Variants in CPED1 observed in about 807,000 individuals in gnomAD.
CPED1 encodes cadherin like and PC-esterase domain containing 1, also known as cadherin-like and PC-esterase domain-containing protein 1.
In CPED1, 114 loss-of-function variants were observed where a neutral mutation model predicts 128.2. The ratio of observed to expected loss-of-function variants is 0.89; its 90% confidence interval spans 0.76 to 1.04. The LOEUF (loss-of-function observed/expected upper bound fraction) is 1.04. Among genes scored for constraint, CPED1 ranks in the 50% least tolerant of loss-of-function variants. The pLI is 0.00. For missense variants in CPED1, 1,211 were observed against 1,207.1 expected (o/e 1.00, Z -0.05); for synonymous variants, 462 against 426.7 (o/e 1.08, Z -1.02).
At chr7:121,072,732 A>G (rs561458919) in intron 5 of CPED1, among the ~76,000 whole-genome samples, 1 of 152,290 alleles carries the variant, frequency 6.6e-6, no homozygotes, top group South Asian at 2.1e-4. Flanking sequence ...TCACAGACAC[A>G]TTTCTTCCAA....
chr7:121,201,524 AAAGG>A (rs966419552), intron 16 of CPED1, among the ~76,000 whole-genome samples: 3 of 151,392 alleles, frequency 2.0e-5, no homozygotes, highest in African/African-American at 4.9e-5. Flanking sequence ...GAAAGAGAGG[AAAGG>A]AAGGAAGGAA....
chr7:121,216,828 G>A (rs563936508), intron 16 of CPED1, among the ~76,000 whole-genome samples: 3 of 152,084 alleles, frequency 2.0e-5, no homozygotes, highest in Admixed American at 6.5e-5. Flanking sequence ...GTGGTCCGTT[G>A]TCCACAGCAA....
At chr7:121,035,890 G>T (rs1053035857) in intron 3 of CPED1, among the ~76,000 whole-genome samples, 5 of 151,632 alleles carry the variant, frequency 3.3e-5, no homozygotes, top group African/African-American at 1.2e-4. Flanking sequence ...GGGTCTTTTC[G>T]TGGGAGATAA....
At chr7:121,206,870 C>G (rs1186076460) in intron 16 of CPED1, among the ~76,000 whole-genome samples, 2 of 151,986 alleles carry the variant, frequency 1.3e-5, no homozygotes. Flanking sequence ...CTCAGTCACA[C>G]TATGCTCCGA....
chr7:121,019,915 A>C (rs1459452277), intron 3 of CPED1, among the ~76,000 whole-genome samples: 1 of 152,034 alleles, frequency 6.6e-6, no homozygotes, highest in African/African-American at 2.4e-5. Flanking sequence ...TTCAGTGCAC[A>C]GTGGCCTAAA....
At position 121,097,792 on chromosome 7, in the gene CPED1, C is replaced by G; in HGVS notation, c.710C>G (p.Pro237Arg). The change falls in exon 6 of 23, where the codon CCA (proline) becomes CGA (arginine). Residue 237 changes from proline (P) to arginine (R), a missense_variant. Physicochemically the swap from Pro to Arg is moderately radical, Grantham distance 103. Transcript: ENST00000310396. ...TSSHLLKTVK[P>R]RVWKPGDWSR... is the part of the protein sequence containing the mutation. ...AGTCACCTTTTAAAAACAGTGAAGC[C>G]ACGTGTGTGGAAACCAGGGGACTGG... 6.2e-7 allele frequency: 1 copy of G among 1,613,766 alleles called. No homozygotes were observed. The highest frequency in any genetic ancestry group is 8.5e-7 in the Non-Finnish European group (1 of 1,179,784).
chr7:121,274,009 T>G (rs1195971439), intron 22 of CPED1, among the ~76,000 whole-genome samples: 2 of 152,200 alleles, frequency 1.3e-5, no homozygotes, highest in African/African-American at 4.8e-5. Context: ...TGTTCCTCTT[T>G]TAGAAAGAAT....
chr7:121,197,973 C>T (rs1028344081), intron 16 of CPED1, among the ~76,000 whole-genome samples: 2 of 152,018 alleles, frequency 1.3e-5, no homozygotes, highest in African/African-American at 2.4e-5. Context: ...AATGGTAAAT[C>T]GTTGATTTTT....
chr7:121,230,111 A>G (rs1798104506), intron 16 of CPED1, among the ~76,000 whole-genome samples: 1 of 152,094 alleles, frequency 6.6e-6, no homozygotes, highest in Non-Finnish European at 1.5e-5. Flanking sequence ...TTGGTGGTCC[A>G]TAGAACTGTA....
intron 16 of CPED1, among the ~76,000 whole-genome samples, chr7:121,209,904 A>G (rs1195973231): frequency 6.6e-6 from 1 of 152,014 alleles, no homozygotes; most frequent in Non-Finnish European, 1.5e-5. Context: ...AACAACCCAA[A>G]CAACAATAGA....
intron 2 of CPED1, among the ~76,000 whole-genome samples, chr7:120,996,283 CAAA>C (rs540959636): frequency 6.8e-6 from 1 of 146,140 alleles, no homozygotes; most frequent in Non-Finnish European, 1.5e-5. Flanking sequence ...GCTCCTGTCT[CAAA>C]AAAAAAAGAA....
chr7:121,068,329 A>C (rs1318307319), intron 5 of CPED1, among the ~76,000 whole-genome samples: 2 of 152,286 alleles, frequency 1.3e-5, no homozygotes, highest in East Asian at 3.9e-4. Context: ...AGCTTTCTAC[A>C]TATGGCTAGC....
intron 2 of CPED1, among the ~76,000 whole-genome samples, chr7:121,010,123 A>G (rs1792121964): frequency 6.6e-6 from 1 of 152,212 alleles, no homozygotes; most frequent in Non-Finnish European, 1.5e-5. Flanking sequence ...CAAATAATAT[A>G]TAGTTATACA....
At chr7:121,097,571 G>C (rs1563024130) in intron 5 of CPED1, 128 bp from the exon 6 acceptor site, 2 of 1,024,284 alleles carry the variant, frequency 2.0e-6, no homozygotes, top group Non-Finnish European at 1.4e-6. Flanking sequence ...TTTTGATTCA[G>C]AATGGGGAGA....
In CPED1 at chr7:120,996,381, T is replaced by C. The variant is rs114734029; in HGVS notation, c.249+6511T>C. On this transcript the variant is annotated intron_variant, in intron 2 of 22. Coordinates refer to ENST00000310396, the MANE Select transcript of CPED1 (RefSeq NM_024913.5). ...TTAACCTCTTAACCATTTGTGAGTA[T>C]ACAGTTAAGTAGTATTAATCATATT... 5.2e-3 allele frequency among the ~76,000 whole-genome samples: 788 copies of C among 152,314 alleles called. 12 individuals are homozygous for C. The highest frequency in any genetic ancestry group is 0.018 in the African/African-American group (750 of 41,552).
intron 4 of CPED1, among the ~76,000 whole-genome samples, chr7:121,060,155 C>T (rs983475761): frequency 3.3e-5 from 5 of 152,228 alleles, no homozygotes; most frequent in African/African-American, 1.2e-4. Flanking sequence ...CCAGCAGTGC[C>T]AGCCCAGTGG....
chr7:121,033,555 A>G (rs1439584672), intron 3 of CPED1, among the ~76,000 whole-genome samples: 2 of 152,202 alleles, frequency 1.3e-5, no homozygotes, highest in African/African-American at 2.4e-5. Flanking sequence ...GAGTGTTATC[A>G]TTCCTGGGAG....
intron 16 of CPED1, 86 bp downstream of exon 16, chr7:121,142,227 A>G (rs760218527): frequency 3.7e-5 from 47 of 1,261,976 alleles, no homozygotes; most frequent in Non-Finnish European, 5.2e-5. Context: ...AATTATTACA[A>G]GAAATTGTAT....
chr7:121,098,688 C>T (rs1053433302), intron 6 of CPED1, among the ~76,000 whole-genome samples: 1 of 148,766 alleles, frequency 6.7e-6, no homozygotes, highest in Admixed American at 6.8e-5. Context: ...GCTGTGATTG[C>T]ACCACTTCAC....
Sources: gnomAD v4.1 joint callset for allele counts (sites outside exome capture counted in the v4.1 genomes callset) on GRCh38, gnomAD v4.1.1 for gene constraint, MANE v1.5 for transcripts, NCBI Gene and HGNC (gene_info 2026-07-23, HGNC 2026-07-21) for gene names.